The following CPNE8 variants were observed in gnomAD, a reference collection of about 807,000 sequenced individuals.
CPNE8 encodes copine-8.
CPNE8 carries 45 observed loss-of-function variants against 81.5 expected under a neutral mutation model. That is an observed-to-expected ratio of 0.55 (90% CI 0.44 to 0.71). The LOEUF is 0.71. CPNE8 is among the 30% of genes least tolerant of loss of function. The pLI is 0.00. For missense variants in CPNE8, 594 were observed against 672.1 expected, an observed-to-expected ratio of 0.88 and a Z score of 1.28; for synonymous variants, 252 against 226.3, an observed-to-expected ratio of 1.11 and a Z score of -1.02.
chr12:38,713,897 A>T (rs1184891912), intron 13 of CPNE8, among the ~76,000 whole-genome samples: 1 of 152,190 alleles, frequency 6.6e-6, no homozygotes, highest in Non-Finnish European at 1.5e-5. Context: ...TGATAAAAGC[A>T]TAGACCAGGA....
At chr12:38,751,350 T>A (rs1941349972) in intron 10 of CPNE8, among the ~76,000 whole-genome samples, 1 of 152,238 alleles carries the variant, frequency 6.6e-6, no homozygotes, top group Non-Finnish European at 1.5e-5. Context: ...TGTTAAAGTC[T>A]CTGCCCCTTT....
chr12:38,737,339 T>C (rs1047439429), intron 10 of CPNE8, among the ~76,000 whole-genome samples: 1 of 152,080 alleles, frequency 6.6e-6, no homozygotes, highest in African/African-American at 2.4e-5. Context: ...TAGTAACAGA[T>C]ACTTTATTCA....
intron 16 of CPNE8, chr12:38,679,845 C>A (rs900211771): frequency 9.7e-6 from 3 of 307,702 alleles, no homozygotes; most frequent in Non-Finnish European, 1.4e-5. Flanking sequence ...AATTAACATG[C>A]TACAGAAATG....
chr12:38,836,439 A>T (rs1032564723), intron 5 of CPNE8, among the ~76,000 whole-genome samples: 7 of 152,164 alleles, frequency 4.6e-5, no homozygotes, highest in Non-Finnish European at 1.0e-4. Flanking sequence ...TTTCCCTAAC[A>T]GTATCAAAAA....
intron 8 of CPNE8, among the ~76,000 whole-genome samples, chr12:38,762,572 T>C (rs1391726843): frequency 6.6e-6 from 1 of 152,062 alleles, no homozygotes; most frequent in Non-Finnish European, 1.5e-5. Flanking sequence ...TGTTGGAGTG[T>C]TGAGAAGAAA....
chr12:38,730,529 CA>C (rs1291648606), intron 10 of CPNE8, among the ~76,000 whole-genome samples, 171 bp from the exon 11 acceptor site: 1 of 151,510 alleles, frequency 6.6e-6, no homozygotes, highest in Non-Finnish European at 1.5e-5. Context: ...TTACATTGTT[CA>C]TTAATCTAAA....
chr12:38,756,567 G>T (rs7309400), intron 10 of CPNE8, among the ~76,000 whole-genome samples: 2 of 151,880 alleles, frequency 1.3e-5, no homozygotes, highest in African/African-American at 2.4e-5. Flanking sequence ...TATTGCTCTG[G>T]CTGCCACTTT....
intron 3 of CPNE8, among the ~76,000 whole-genome samples, chr12:38,865,290 A>C (rs1943898380): frequency 6.6e-6 from 1 of 152,226 alleles, no homozygotes; most frequent in Admixed American, 6.5e-5. Context: ...TCACTCCTAC[A>C]TGTATTAGGA....
chr12:38,659,221 GAAA>G (rs146733623), intron 19 of CPNE8, among the ~76,000 whole-genome samples: 2 of 134,458 alleles, frequency 1.5e-5, no homozygotes, highest in Admixed American at 7.1e-5. Context: ...CAAATGGAAA[GAAA>G]AAAAAAAAAA....
chr12:38,796,793 C>G (rs1942487922), intron 6 of CPNE8, among the ~76,000 whole-genome samples: 1 of 152,130 alleles, frequency 6.6e-6, no homozygotes, highest in Non-Finnish European at 1.5e-5. Flanking sequence ...CTTTCCTAGT[C>G]AAAGAAAGGG....
chr12:38,688,673 G>T (rs1039811992), intron 15 of CPNE8, among the ~76,000 whole-genome samples: 1 of 151,658 alleles, frequency 6.6e-6, no homozygotes, highest in East Asian at 1.9e-4. Flanking sequence ...TGGCATTCAC[G>T]GCAACCTAGA....
chr12:38,794,775 A>G (rs998440267), intron 6 of CPNE8, among the ~76,000 whole-genome samples: 11 of 152,206 alleles, frequency 7.2e-5, no homozygotes, highest in African/African-American at 2.7e-4. Flanking sequence ...GATGGTTAAT[A>G]TTAAGTGTCA....
chr12:38,684,037 A>G (rs1390988427), intron 16 of CPNE8, among the ~76,000 whole-genome samples: 1 of 152,160 alleles, frequency 6.6e-6, no homozygotes, highest in Non-Finnish European at 1.5e-5. Context: ...ATTTCTAATA[A>G]CCAGCATGAG....
At chr12:38,824,349 A>G (rs1305524978) in intron 6 of CPNE8, among the ~76,000 whole-genome samples, 2 of 152,142 alleles carry the variant, frequency 1.3e-5, no homozygotes, top group African/African-American at 4.8e-5. Context: ...AAACCATTTT[A>G]CCTTCACAAT....
At chr12:38,744,242 G>T (rs1941175235) in intron 10 of CPNE8, among the ~76,000 whole-genome samples, 1 of 152,144 alleles carries the variant, frequency 6.6e-6, no homozygotes, top group Non-Finnish European at 1.5e-5. Context: ...ATAGATTGAG[G>T]TTGGTGTAAT....
intron 13 of CPNE8, among the ~76,000 whole-genome samples, chr12:38,718,501 A>T (rs1275418348): frequency 6.6e-6 from 1 of 152,216 alleles, no homozygotes; most frequent in Non-Finnish European, 1.5e-5. Flanking sequence ...AAAACTGACA[A>T]GGACTTATAT....
At chr12:38,781,884 T>G (rs1592083190) in intron 6 of CPNE8, among the ~76,000 whole-genome samples, 1 of 152,146 alleles carries the variant, frequency 6.6e-6, no homozygotes, top group East Asian at 1.9e-4. Context: ...ACAAAAAATC[T>G]AATACTTCCT....
At chr12:38,778,131 T>A (rs1941972932) in intron 6 of CPNE8, among the ~76,000 whole-genome samples, 1 of 152,098 alleles carries the variant, frequency 6.6e-6, no homozygotes, top group Admixed American at 6.6e-5. Context: ...ATAATAGAAA[T>A]AAAGTGTACA....
chr12:38,739,781 T>C (rs1941046925), intron 10 of CPNE8, among the ~76,000 whole-genome samples: 3 of 152,272 alleles, frequency 2.0e-5, no homozygotes, highest in Middle Eastern at 3.4e-3. Context: ...CTAATCTCAA[T>C]ATATACTGAA....
Sources: gnomAD v4.1 joint callset for allele counts (sites outside exome capture counted in the v4.1 genomes callset) on GRCh38, gnomAD v4.1.1 for gene constraint, MANE v1.5 for transcripts, NCBI Gene and HGNC (gene_info 2026-07-23, HGNC 2026-07-21) for gene names.